Variants in CPB2 observed in about 807,000 individuals in gnomAD.
The protein encoded by CPB2 is carboxypeptidase B2.
Under a neutral mutation model 57.0 loss-of-function variants are expected in CPB2, and 54 were observed. The ratio of observed to expected loss-of-function variants is 0.95; its 90% CI spans 0.76 to 1.19. CPB2 has a LOEUF of 1.19. Among genes scored for constraint, CPB2 ranks in the 50% most tolerant of loss-of-function variants. CPB2 has a pLI of 0.00. For missense variants in CPB2, 426 were observed against 512.0 expected (o/e 0.83, Z 1.62); for synonymous variants, 189 against 178.1 (o/e 1.06, Z -0.49).
chr13:46,084,389 C>T (rs762665450), intron 2 of CPB2, 46 bp from the exon 3 acceptor site: 2 of 1,606,312 alleles, frequency 1.2e-6, no homozygotes, highest in African/African-American at 2.7e-5. Flanking sequence ...AAGAGTTGTT[C>T]ACATCATTCT....
At chr13:46,083,430 T>C (rs941100499) in intron 3 of CPB2, among the ~76,000 whole-genome samples, 1 of 152,120 alleles carries the variant, frequency 6.6e-6, no homozygotes, top group African/African-American at 2.4e-5. Flanking sequence ...TATAATATAC[T>C]CTATAATATA....
In CPB2 at chr13:46,073,910, C is replaced by T; in HGVS notation, c.554G>A (p.Trp185Ter). ...CCACAAGCAGAAAGCAGGAGAGATC[C>T]ATTCTCTGGCATGGATTCCACAGTC... ...WIDCGIHARE[W>*]ISPAFCLWFI... Residue 185 changes from tryptophan to a stop codon, truncating the protein, a stop_gained, in exon 6 of 11, where the codon TGG becomes TAG. Transcript: ENST00000181383. LOFTEE classifies it high-confidence loss of function. The T allele has an allele frequency of 6.3e-7, 1 of 1,589,298 alleles. No homozygotes were observed. The highest frequency in any genetic ancestry group is 8.6e-7 in the Non-Finnish European group (1 of 1,160,852).
chr13:46,095,314 T>C (rs1016537840), intron 1 of CPB2, among the ~76,000 whole-genome samples: 12 of 77,476 alleles, frequency 1.5e-4, no homozygotes, highest in African/African-American at 4.7e-4. Context: ...AGCCAAGATA[T>C]CAAAATTAAA....
chr13:46,087,306 T>A (rs1362915731), intron 2 of CPB2, among the ~76,000 whole-genome samples: 2 of 152,352 alleles, frequency 1.3e-5, no homozygotes, highest in East Asian at 1.9e-4. Context: ...CCGCTCTAGA[T>A]GGGCCGCCAC....
At chr13:46,089,522 G>A (rs577308873) in intron 1 of CPB2, among the ~76,000 whole-genome samples, 17 of 152,252 alleles carry the variant, frequency 1.1e-4, no homozygotes, top group Admixed American at 6.5e-4. Context: ...TTGAAGGAGA[G>A]CACCAGGGAG....
intron 1 of CPB2, 63 bp downstream of exon 1, chr13:46,104,873 C>T (rs2045474780): frequency 6.3e-7 from 1 of 1,597,680 alleles, no homozygotes; most frequent in African/African-American, 1.3e-5. Context: ...ACTGACTTGA[C>T]ACGACATGAG....
chr13:46,084,388 T>C, intron 2 of CPB2, 45 bp from the exon 3 acceptor site: 2 of 1,607,172 alleles, frequency 1.2e-6, no homozygotes, highest in Non-Finnish European at 1.7e-6. Flanking sequence ...AAAGAGTTGT[T>C]CACATCATTC....
chr13:46,083,178 TCTTTA>T (rs757312700), intron 3 of CPB2, among the ~76,000 whole-genome samples: 26 of 152,166 alleles, frequency 1.7e-4, no homozygotes, highest in Non-Finnish European at 3.1e-4. Flanking sequence ...AATAAAGGGT[TCTTTA>T]CTTTTATTTA....
chr13:46,073,324 GTCGTTATA>G (rs770989960), intron 6 of CPB2: 18 of 191,144 alleles, frequency 9.4e-5, no homozygotes, highest in Non-Finnish European at 1.4e-4. Flanking sequence ...GAGGTTAATA[GTCGTTATA>G]TCTTTTACTT....
At chr13:46,062,463 G>C (rs1395697832) in intron 8 of CPB2, among the ~76,000 whole-genome samples, 1 of 152,138 alleles carries the variant, frequency 6.6e-6, no homozygotes, top group Non-Finnish European at 1.5e-5. Flanking sequence ...TATTTACTTA[G>C]ATTCTTTTTA....
chr13:46,078,622 A>G (rs578099918), intron 5 of CPB2, among the ~76,000 whole-genome samples, 178 bp downstream of exon 5: 3 of 152,330 alleles, frequency 2.0e-5, no homozygotes, highest in African/African-American at 7.2e-5. Flanking sequence ...GGACAAGACT[A>G]TATTATTAAT....
chr13:46,081,239 C>G (rs148539096), intron 4 of CPB2, among the ~76,000 whole-genome samples: 1 of 152,120 alleles, frequency 6.6e-6, no homozygotes, highest in African/African-American at 2.4e-5. Context: ...CTGAACATAT[C>G]GTAAGAAAAC....
At chr13:46,058,752 G>A (rs1464419623) in intron 8 of CPB2, among the ~76,000 whole-genome samples, 1 of 152,276 alleles carries the variant, frequency 6.6e-6, no homozygotes, top group African/African-American at 2.4e-5. Flanking sequence ...TAGTTTTAAA[G>A]CTACCATCAA....
chr13:46,084,860 A>ATT (rs201807996), intron 2 of CPB2, among the ~76,000 whole-genome samples: 3 of 141,698 alleles, frequency 2.1e-5, no homozygotes, highest in African/African-American at 7.8e-5. Context: ...TTTATTTTTT[A>ATT]TTTTTTTTTT....
At chr13:46,099,055 A>G (rs929264243) in intron 1 of CPB2, 46 of 152,358 alleles carry the variant, frequency 3.0e-4, no homozygotes, top group African/African-American at 9.4e-4. Flanking sequence ...TTAGGTAGTC[A>G]GAGAATGGAG....
intron 1 of CPB2, among the ~76,000 whole-genome samples, chr13:46,090,797 C>T (rs1012426846): frequency 1.3e-5 from 2 of 151,390 alleles, no homozygotes; most frequent in Non-Finnish European, 1.5e-5. Flanking sequence ...CATCTCGGCT[C>T]ACTGCAACCT....
Position 46,081,367 on chromosome 13 carries a change from TATGAAGG to T in CPB2, c.384+1067_384+1073del, listed in dbSNP as rs1239603821. On this transcript the variant is annotated intron_variant, in intron 4 of 10. Coordinates refer to ENST00000181383, the MANE Select transcript of CPB2 (RefSeq NM_001872.5). ...TCACAGCAGTGACAGTTTCACCTTT[TATGAAGG>T]TGAAATCCCACCTATGAAGCCTCTC... is the stretch of plus-strand genomic sequence containing the variant. 4.7e-3 allele frequency among the ~76,000 whole-genome samples: 713 copies of T among 152,264 alleles called. 4 individuals are homozygous for T. The highest frequency in any genetic ancestry group is 0.016 in the African/African-American group (659 of 41,560).
At chr13:46,065,326 T>TCATGTAA (rs1421333306) in intron 7 of CPB2, among the ~76,000 whole-genome samples, 1 of 152,088 alleles carries the variant, frequency 6.6e-6, no homozygotes, top group Non-Finnish European at 1.5e-5. Flanking sequence ...GAAAGTTTGG[T>TCATGTAA]CATGTAAAGA....
chr13:46,072,211 T>C (rs150302252), intron 6 of CPB2, among the ~76,000 whole-genome samples: 7 of 152,308 alleles, frequency 4.6e-5, no homozygotes, highest in South Asian at 2.1e-4. Flanking sequence ...GATTATAAGA[T>C]TTTTGAAATC....
Sources: allele counts gnomAD v4.1 joint callset (sites outside exome capture counted in the v4.1 genomes callset), GRCh38; gene constraint gnomAD v4.1.1; transcripts MANE v1.5; gene names NCBI Gene and HGNC (gene_info 2026-07-23, HGNC 2026-07-21).